The following ABCC4 variants were observed in gnomAD, a reference collection of about 807,000 sequenced individuals.
ABCC4 encodes ATP binding cassette subfamily C member 4 (PEL blood group).
ABCC4 carries 102 observed loss-of-function variants against 168.5 expected under a neutral mutation model. The observed-to-expected ratio is 0.61, with a 90% CI of 0.52 to 0.71. The LOEUF is 0.71. Among genes scored for constraint, ABCC4 ranks in the 30% least tolerant of loss-of-function variants. The pLI, the probability that ABCC4 is intolerant of heterozygous loss-of-function variation, is 0.00. For missense variants in ABCC4, 1,402 were observed against 1,605.8 expected (o/e 0.87, Z 2.17); for synonymous variants, 617 against 590.7 (o/e 1.04, Z -0.65).
Position 95,073,186 on chromosome 13 carries a change from C to A in ABCC4, c.3018+18G>T. ...GCAAGGAGATTGAAAAGGCAAAGAA[C>A]GTGAAGGTAAATATTACCATATTCT... On this transcript the variant is annotated intron_variant, in intron 24 of 30. Coordinates refer to ENST00000645237, the MANE Select transcript of ABCC4 (RefSeq NM_005845.5). The A allele has an allele frequency of 1.3e-6, 2 of 1,594,482 alleles. No individual in the cohort carries two copies. Among genetic ancestry groups the A allele is most frequent in the Non-Finnish European group, 1.7e-6 (2 of 1,163,140 alleles).
At chr13:95,228,883 G>A (rs1019793028) in intron 4 of ABCC4, among the ~76,000 whole-genome samples, 3 of 151,918 alleles carry the variant, frequency 2.0e-5, no homozygotes, top group Non-Finnish European at 4.4e-5. Flanking sequence ...AACATAGGGA[G>A]ACCCTGTCTC....
At chr13:95,264,082 C>T (rs1475293723) in intron 1 of ABCC4, among the ~76,000 whole-genome samples, 1 of 151,884 alleles carries the variant, frequency 6.6e-6, no homozygotes, top group Non-Finnish European at 1.5e-5. Context: ...AATCTGAGCA[C>T]CAAAATAAAT....
chr13:95,255,171 G>C (rs551164179), intron 1 of ABCC4, among the ~76,000 whole-genome samples: 1 of 152,252 alleles, frequency 6.6e-6, no homozygotes, highest in East Asian at 1.9e-4. Context: ...TCGTAGGTAA[G>C]TGACTGAGTG....
At chr13:95,189,015 A>T (rs997791872) in intron 9 of ABCC4, among the ~76,000 whole-genome samples, 4 of 150,424 alleles carry the variant, frequency 2.7e-5, no homozygotes, top group African/African-American at 9.8e-5. Context: ...TGCATGCATT[A>T]TGTATTTGTC....
At chr13:95,051,850 A>G (rs888160264) in intron 27 of ABCC4, among the ~76,000 whole-genome samples, 23 of 151,986 alleles carry the variant, frequency 1.5e-4, no homozygotes, top group Middle Eastern at 3.4e-3. Flanking sequence ...TATTTTTAGT[A>G]GACACAGGGT....
chr13:95,121,415 T>C lies in ABCC4; in HGVS notation c.2456-5414A>G, dbSNP rs372330589. Among the ~76,000 whole-genome samples the C allele has an allele frequency of 3.3e-5, 5 of 149,900 alleles. No individual in the cohort carries two copies. The Admixed American group carries it at 3.3e-4, about 10-fold the overall frequency. On this transcript the variant is annotated intron_variant, in intron 19 of 30. Transcript: ENST00000645237. ...CCCAGGGCTGATAACATTCAAACTT[T>C]ATGGGGTTTTTTTTTGTTTTTTTTT...
At chr13:95,140,861 T>C (rs979125088) in intron 19 of ABCC4, among the ~76,000 whole-genome samples, 16 of 152,346 alleles carry the variant, frequency 1.1e-4, no homozygotes, top group Admixed American at 2.6e-4. Flanking sequence ...CAGGAACAAA[T>C]ATTCATCTCC....
In ABCC4 at chr13:95,083,155, G is replaced by A. The variant is rs925622427; in HGVS notation, c.2671C>T (p.Arg891Cys). 15 of 1,613,498 alleles carry A rather than the reference G, an allele frequency of 9.3e-6. No homozygotes were observed. The highest frequency in any genetic ancestry group is 8.8e-5 in the South Asian group (8 of 91,010). The change falls in exon 21 of 31, where the codon CGC becomes TGC. Residue 891 changes from arginine (R) to cysteine (C), a missense_variant. This residue lies in a region of ABCC4 where 1,007 missense variants were observed against 1,127.3 expected (regional missense o/e 0.89). Transcript: ENST00000645237. The part of the protein sequence containing the change: ...YFLETSRDVK[R>C]LESTTRSPVF... ...CCATACTCACTTGTAGATTCCAGGC[G>A]CTTCACATCTCTTGACGTTTCCAAA...
intron 19 of ABCC4, among the ~76,000 whole-genome samples, chr13:95,148,321 T>C (rs2036564184): frequency 1.3e-5 from 2 of 152,102 alleles, no homozygotes; most frequent in Non-Finnish European, 2.9e-5. Flanking sequence ...AGAGCTGAGA[T>C]TCACATTTGG....
intron 4 of ABCC4, among the ~76,000 whole-genome samples, chr13:95,218,578 A>C (rs9524839): frequency 6.6e-6 from 1 of 151,942 alleles, no homozygotes; most frequent in Non-Finnish European, 1.5e-5. Flanking sequence ...TAGGCCAGGT[A>C]GGGTGGCTCA....
At chr13:95,183,729 C>A (rs1230578332) in intron 11 of ABCC4, among the ~76,000 whole-genome samples, 1 of 152,118 alleles carries the variant, frequency 6.6e-6, no homozygotes, top group Non-Finnish European at 1.5e-5. Context: ...CTGGTCAACA[C>A]AGCAAAACCC....
chr13:95,260,148 C>T (rs1469656667), intron 1 of ABCC4, among the ~76,000 whole-genome samples: 3 of 152,308 alleles, frequency 2.0e-5, no homozygotes, highest in African/African-American at 4.8e-5. Context: ...GGTTTGAGAA[C>T]GTGCCATACA....
At chr13:95,223,604 C>G (rs558364287) in intron 4 of ABCC4, among the ~76,000 whole-genome samples, 33 of 152,232 alleles carry the variant, frequency 2.2e-4, no homozygotes, top group Middle Eastern at 3.4e-3. Flanking sequence ...CGGGTTCAAG[C>G]GATTCTCCTG....
chr13:95,290,643 T>TGCA lies in ABCC4; in HGVS notation c.74+10595_74+10597dup, dbSNP rs2041373381. Among the ~76,000 whole-genome samples the TGCA allele has an allele frequency of 2.9e-5, 4 of 139,910 alleles. No homozygotes were observed. In the East Asian group the frequency reaches 8.4e-4, roughly 29 times the overall value. 91.8% of individuals were successfully genotyped at this position (139,910 alleles called of 152,430 possible). ...TCACTTGAACCTGGGAGGCAGAGGT[T>TGCA]GCAGTTAGCCAAGATCGTGCCATTG... On this transcript the variant is annotated intron_variant, in intron 1 of 30. Coordinates refer to ENST00000645237, the MANE Select transcript of ABCC4 (RefSeq NM_005845.5).
chr13:95,028,977 C>A (rs1218289062), intron 30 of ABCC4, among the ~76,000 whole-genome samples: 1 of 151,586 alleles, frequency 6.6e-6, no homozygotes, highest in African/African-American at 2.4e-5. Flanking sequence ...ACCAGCCTGG[C>A]CAACATGGTA....
chr13:95,128,477 G>A (rs1050377481), intron 19 of ABCC4, among the ~76,000 whole-genome samples: 1 of 152,190 alleles, frequency 6.6e-6, no homozygotes, highest in African/African-American at 2.4e-5. Flanking sequence ...GTGTTCAGCT[G>A]CTCCTATGCA....
rs548494224 is a variant in ABCC4 at position 95,021,358 on chromosome 13, T to C, written c.*217A>G. On this transcript the variant is annotated 3_prime_UTR_variant, in exon 31 of 31. Transcript: ENST00000645237. ...TTTAACTGGTGGCCTGCACCTCTGA[T>C]TTGGATTTTAAAAAACAACTATTGA... 1.8e-4 allele frequency: 86 copies of C among 478,364 alleles called. 1 individual carries two copies. The highest frequency in any genetic ancestry group is 1.1e-3 in the South Asian group (31 of 29,366). The allele number at this position is 478,364 out of a possible 1,614,324, so 29.6% of individuals were successfully genotyped here.
intron 3 of ABCC4, among the ~76,000 whole-genome samples, chr13:95,239,805 A>G (rs892831755): frequency 3.9e-5 from 6 of 152,224 alleles, no homozygotes; most frequent in African/African-American, 1.2e-4. Flanking sequence ...TGCCTTTCCT[A>G]TAGGTGTACT....
chr13:95,115,036 T>C (rs773220624), intron 20 of ABCC4, among the ~76,000 whole-genome samples: 3 of 152,122 alleles, frequency 2.0e-5, no homozygotes, highest in South Asian at 2.1e-4. Context: ...TTTTGGAATA[T>C]GTATAGCTTT....
Sources: gnomAD v4.1 joint callset for allele counts (sites outside exome capture counted in the v4.1 genomes callset) on GRCh38, gnomAD v4.1.1 for gene constraint, gnomAD v4.1.1 regional missense constraint, MANE v1.5 for transcripts, NCBI Gene and HGNC (gene_info 2026-07-23, HGNC 2026-07-21) for gene names.